The following MTOR variants were observed in gnomAD, a reference collection of about 807,000 sequenced individuals.
The protein encoded by MTOR is mechanistic target of rapamycin kinase, also known as serine/threonine-protein kinase mTOR.
Under a neutral mutation model 319.8 loss-of-function variants are expected in MTOR, and 70 were observed. That is an observed-to-expected ratio of 0.22 (90% CI 0.18 to 0.27). MTOR has a LOEUF of 0.27. MTOR is among the 10% of genes least tolerant of loss of function. The pLI is 1.00. For missense variants in MTOR, 1,890 were observed against 3,274.4 expected (o/e 0.58, Z 10.32); for synonymous variants, 1,183 against 1,211.4 (o/e 0.98, Z 0.49).
At chr1:11,164,616 C>A (rs1379257949) in intron 29 of MTOR, among the ~76,000 whole-genome samples, 1 of 151,996 alleles carries the variant, frequency 6.6e-6, no homozygotes, top group East Asian at 1.9e-4. Flanking sequence ...GCCTACCAAA[C>A]AAAAAAAGTC....
intron 28 of MTOR, among the ~76,000 whole-genome samples, chr1:11,198,578 T>C (rs1645861643): frequency 6.6e-6 from 1 of 152,230 alleles, no homozygotes; most frequent in South Asian, 2.1e-4. Flanking sequence ...CACATGAAGA[T>C]AATGAGATCC....
chr1:11,153,568 A>C (rs1295291258), intron 30 of MTOR, among the ~76,000 whole-genome samples: 3 of 152,208 alleles, frequency 2.0e-5, no homozygotes, highest in Non-Finnish European at 4.4e-5. Context: ...GAAACTAGAA[A>C]AATTGTTTTT....
intron 1 of MTOR, among the ~76,000 whole-genome samples, chr1:11,260,319 G>C (rs1307996389): frequency 2.6e-5 from 4 of 152,218 alleles, no homozygotes; most frequent in Non-Finnish European, 5.9e-5. Context: ...AAGGTGGGCA[G>C]ATCACCTGAG....
intron 28 of MTOR, chr1:11,195,673 A>G (rs1042882477): frequency 1.3e-5 from 2 of 152,836 alleles, no homozygotes; most frequent in African/African-American, 4.8e-5. Context: ...CATGTACAGC[A>G]CTGAAAGGAA....
intron 28 of MTOR, chr1:11,195,938 T>C (rs543616901): frequency 2.4e-4 from 37 of 152,366 alleles, no homozygotes; most frequent in African/African-American, 8.9e-4. Flanking sequence ...TTTTAAACAT[T>C]CAACGTTTCT....
At position 11,217,652 on chromosome 1, in the gene MTOR, C is replaced by T. The variant is rs192200417; in HGVS notation, c.3031-1418G>A. Among the ~76,000 whole-genome samples the T allele has an allele frequency of 1.3e-3, 201 of 150,882 alleles. 1 individual carries two copies. Among genetic ancestry groups the T allele is most frequent in the African/African-American group, 4.7e-3 (191 of 41,046 alleles). ...GGTCTCGCTCTCTTGACTTCATGATCCGCCCGCCTTGCCCTCCCAAAGTGC... is the reference window on the plus strand; with the variant it reads ...GGTCTCGCTCTCTTGACTTCATGATTCGCCCGCCTTGCCCTCCCAAAGTGC... On this transcript the variant is annotated intron_variant, in intron 19 of 57. Transcript: ENST00000361445.
At chr1:11,192,783 C>T (rs966412250) in intron 28 of MTOR, among the ~76,000 whole-genome samples, 4 of 147,232 alleles carry the variant, frequency 2.7e-5, no homozygotes, top group Non-Finnish European at 6.0e-5. Flanking sequence ...AACTCAAACA[C>T]AAGCAAACAC....
chr1:11,194,933 G>A, intron 28 of MTOR: 1 of 1,614,140 alleles, frequency 6.2e-7, no homozygotes, highest in Non-Finnish European at 8.5e-7. Context: ...ATAAGCACCT[G>A]GATGGCATCA....
At chr1:11,188,391 G>A (rs1645391344) in intron 28 of MTOR, among the ~76,000 whole-genome samples, 1 of 152,090 alleles carries the variant, frequency 6.6e-6, no homozygotes, top group South Asian at 2.1e-4. Context: ...AAATAGAGGA[G>A]GAATAATTTC....
chr1:11,188,766 ATTC>A (rs1454887435), intron 28 of MTOR, among the ~76,000 whole-genome samples: 1 of 152,232 alleles, frequency 6.6e-6, no homozygotes, highest in African/African-American at 2.4e-5. Flanking sequence ...GATTTACTCT[ATTC>A]TTCTATTTCT....
chr1:11,138,195 C>G (rs1283445216), intron 36 of MTOR, among the ~76,000 whole-genome samples: 2 of 152,182 alleles, frequency 1.3e-5, no homozygotes, highest in Non-Finnish European at 2.9e-5. Flanking sequence ...AGGAGGGAAA[C>G]CAGACTATAC....
chr1:11,108,472 A>G lies in MTOR; in HGVS notation c.7529-186T>C, dbSNP rs112932533. Among the ~76,000 whole-genome samples the G allele has an allele frequency of 0.097, 14,714 of 151,454 alleles. 1,189 individuals are homozygous for G. The highest frequency in any genetic ancestry group is 0.2 in the African/African-American group (8,369 of 41,302). ...CTCACGCCTGTAATCCCAGCACTTT[A>G]GGAGGCTGAGGCAGGCAGATCACCT... On this transcript the variant is annotated intron_variant, in intron 56 of 57. Transcript: ENST00000361445.
Position 11,253,985 on chromosome 1 carries a change from G to C in MTOR, c.706-12C>G, listed in dbSNP as rs754769476. 1 of 1,614,100 alleles carries C rather than the reference G, an allele frequency of 6.2e-7. No homozygotes were observed. The highest frequency in any genetic ancestry group is 1.1e-5 in the South Asian group (1 of 91,080). ...TCTTCAAATGTGTGCTATGTAGAGA[G>C]ACAGGGTGCCTTCATTAGAGACAGA... On this transcript the variant is annotated splice_polypyrimidine_tract_variant and intron_variant, in intron 5 of 57. Transcript: ENST00000361445.
intron 9 of MTOR, 134 bp from the exon 10 acceptor site, chr1:11,241,815 GCA>G (rs1648075881): frequency 1.0e-6 from 1 of 955,014 alleles, no homozygotes; most frequent in Admixed American, 2.5e-5. Flanking sequence ...ATTGTCCAGA[GCA>G]CAGTTCAAAG....
In MTOR at chr1:11,124,627, T is replaced by C. The variant is rs757817882; in HGVS notation, c.6533A>G (p.Asn2178Ser). The change falls in exon 47 of 58, where the codon AAC becomes AGC. Residue 2178 changes from asparagine to serine, a missense_variant. Asn to Ser is a conservative substitution (Grantham distance 46). Around this residue, in one of 15 missense-constraint regions of MTOR, gnomAD observed 249 missense variants for 596.2 expected, o/e 0.42. Coordinates refer to ENST00000361445, the MANE Select transcript of MTOR (RefSeq NM_004958.4). ...TAGAAGGAAAACAAACTCATGTCCG[T>C]TGCTGCCTGTAAGGAACAGTGGGAG... The part of the protein sequence containing the change: ...RPRKLTLMGS[N>S]GHEFVFLLKG... 2 of 1,609,042 alleles carry C rather than the reference T, an allele frequency of 1.2e-6. No individual in the cohort carries two copies. The highest frequency in any genetic ancestry group is 2.2e-5 in the South Asian group (2 of 90,978).
chr1:11,130,918 A>G, intron 38 of MTOR, 141 bp from the exon 39 acceptor site: 1 of 1,096,016 alleles, frequency 9.1e-7, no homozygotes. Context: ...GGAGACACTC[A>G]GAAATGGCTG....
intron 54 of MTOR, among the ~76,000 whole-genome samples, chr1:11,112,604 T>C (rs999701518): frequency 3.3e-5 from 5 of 152,252 alleles, no homozygotes; most frequent in African/African-American, 1.2e-4. Flanking sequence ...CTTTAAGTTA[T>C]GCCTCCTACT....
chr1:11,127,485 G>A lies in MTOR; in HGVS notation c.6216+139C>T. ...AGAGCTCGTTTTATTAAAGTCAGTG[G>A]AAAGGCCAGAGGAAAAGAAATCTGA... On this transcript the variant is annotated intron_variant, in intron 44 of 57. Transcript: ENST00000361445. This position sits in a 1 kb window ranked among gnomAD's most constrained non-coding sequence, Gnocchi z 5.5. The A allele has an allele frequency of 9.7e-7, 1 of 1,029,406 alleles. No individual in the cohort carries two copies. Among genetic ancestry groups the A allele is most frequent in the Non-Finnish European group, 1.4e-6 (1 of 725,470 alleles). 63.8% of individuals were successfully genotyped at this position (1,029,406 alleles called of 1,614,324 possible).
chr1:11,186,121 G>A (rs1455030719), intron 28 of MTOR, among the ~76,000 whole-genome samples: 3 of 150,278 alleles, frequency 2.0e-5, no homozygotes, highest in Non-Finnish European at 4.4e-5. Context: ...ATATTCAACG[G>A]CTGTATAGAG....
Sources: allele counts gnomAD v4.1 joint callset (sites outside exome capture counted in the v4.1 genomes callset), GRCh38; gene constraint gnomAD v4.1.1; regional missense constraint gnomAD v4.1.1; non-coding constraint Gnocchi (gnomAD v3.1); transcripts MANE v1.5; gene names NCBI Gene and HGNC (gene_info 2026-07-23, HGNC 2026-07-21).